SGCD: variants seen among roughly 807,000 people sequenced by gnomAD.
SGCD encodes delta-sarcoglycan.
Under a neutral mutation model 36.6 loss-of-function variants are expected in SGCD, and 18 were observed. The ratio of observed to expected loss-of-function variants is 0.49; its 90% CI spans 0.34 to 0.73. SGCD has a LOEUF of 0.73. Among genes scored for constraint, SGCD ranks in the 30% least tolerant of loss-of-function variants. SGCD has a pLI of 0.01. For synonymous variants in SGCD, 133 were observed against 130.6 expected, an observed-to-expected ratio of 1.02 and a Z score of -0.12; for missense variants, 387 against 346.7, an observed-to-expected ratio of 1.12 and a Z score of -0.92.
At chr5:156,435,761 A>G (rs1753214082) in intron 3 of SGCD, among the ~76,000 whole-genome samples, 1 of 152,144 alleles carries the variant, frequency 6.6e-6, no homozygotes, top group African/African-American at 2.4e-5. Flanking sequence ...TGATTTGTCC[A>G]TCTGTTTATT....
intron 3 of SGCD, among the ~76,000 whole-genome samples, chr5:156,278,338 G>T (rs1457593948): frequency 6.6e-6 from 1 of 152,104 alleles, no homozygotes; most frequent in South Asian, 2.1e-4. Context: ...TCAGAATTAG[G>T]TATTTTTCAA....
chr5:155,931,152 C>T lies in SGCD; in HGVS notation c.-282+60728C>T, dbSNP rs184303429. ...CAAGTCACAGAGAAGGTAAATTTACCAAACACTAAAGAAAAGAAAAGCTCT... is the reference window on the plus strand; with the variant it reads ...CAAGTCACAGAGAAGGTAAATTTACTAAACACTAAAGAAAAGAAAAGCTCT... On this transcript the variant is annotated intron_variant, in intron 1 of 9. Coordinates refer to the SGCD transcript ENST00000517913. 3.6e-3 allele frequency among the ~76,000 whole-genome samples: 548 copies of T among 151,924 alleles called. 2 individuals are homozygous for T. Among genetic ancestry groups the T allele is most frequent in the Non-Finnish European group, 5.0e-3 (340 of 67,966 alleles).
At chr5:156,536,318 G>A (rs1758109039) in intron 4 of SGCD, among the ~76,000 whole-genome samples, 1 of 152,088 alleles carries the variant, frequency 6.6e-6, no homozygotes, top group African/African-American at 2.4e-5. Flanking sequence ...GGAATTCAAA[G>A]CCAGGTGTGA....
Position 156,048,684 on chromosome 5 carries a change from C to G in SGCD, c.-281-69194C>G, listed in dbSNP as rs576736621. Among the ~76,000 whole-genome samples, 754 of 152,094 alleles carry G rather than the reference C, an allele frequency of 5.0e-3. 4 individuals are homozygous for G. The highest frequency in any genetic ancestry group is 0.017 in the Middle Eastern group (5 of 294). ...TTTTGATGGGGTTGTTTGTTTTTTT[C>G]TTGTAAATTTGTTGGAGTTCATTGT... On this transcript the variant is annotated intron_variant, in intron 1 of 9. Coordinates refer to the SGCD transcript ENST00000517913.
chr5:156,408,468 C>T (rs1425201927), intron 3 of SGCD, among the ~76,000 whole-genome samples: 1 of 151,854 alleles, frequency 6.6e-6, no homozygotes, highest in Non-Finnish European at 1.5e-5. Context: ...AAGCGATTCT[C>T]CTGCCTCAGC....
At chr5:156,277,539 G>A (rs1287250461) in intron 3 of SGCD, among the ~76,000 whole-genome samples, 1 of 152,166 alleles carries the variant, frequency 6.6e-6, no homozygotes, top group African/African-American at 2.4e-5. Flanking sequence ...AAACTTGGGT[G>A]AGTAAAAGAG....
At chr5:156,612,404 A>C (rs996271126) in intron 6 of SGCD, among the ~76,000 whole-genome samples, 2 of 152,170 alleles carry the variant, frequency 1.3e-5, no homozygotes, top group Non-Finnish European at 2.9e-5. Flanking sequence ...GGCAGTAGTG[A>C]AGTTTTGCCG....
chr5:156,242,945 G>A (rs895688332), intron 3 of SGCD, among the ~76,000 whole-genome samples: 1 of 152,184 alleles, frequency 6.6e-6, no homozygotes, highest in Non-Finnish European at 1.5e-5. Context: ...CTACAGAGAC[G>A]TGGCTGGGTA....
intron 1 of SGCD, among the ~76,000 whole-genome samples, chr5:155,986,546 CCCAGGCA>C (rs1758334660): frequency 6.6e-6 from 1 of 152,060 alleles, no homozygotes; most frequent in Non-Finnish European, 1.5e-5. Context: ...CCTGGAACAA[CCCAGGCA>C]CCATTTTGAG....
intron 3 of SGCD, among the ~76,000 whole-genome samples, chr5:156,260,427 T>C (rs750886596): frequency 6.6e-6 from 1 of 152,174 alleles, no homozygotes; most frequent in Non-Finnish European, 1.5e-5. Flanking sequence ...AGCAATATTT[T>C]ATAATTTTCA....
intron 3 of SGCD, among the ~76,000 whole-genome samples, chr5:156,294,853 T>A (rs985385058): frequency 1.3e-5 from 2 of 152,182 alleles, no homozygotes; most frequent in Non-Finnish European, 2.9e-5. Context: ...TAGTTTATAA[T>A]CTTTACAATA....
the SGCD span, among the ~76,000 whole-genome samples, chr5:155,807,066 G>A: frequency 9.2e-5 from 14 of 152,128 alleles, no homozygotes; most frequent in Non-Finnish European, 1.6e-4. Context: ...AAAATTGCTT[G>A]CCTTCTTGCT....
chr5:156,594,093 C>T (rs1165635007), intron 5 of SGCD, among the ~76,000 whole-genome samples: 1 of 152,188 alleles, frequency 6.6e-6, no homozygotes, highest in African/African-American at 2.4e-5. Context: ...GTAGATCCAG[C>T]TCAGATAGAT....
At chr5:155,852,181 C>T in the SGCD span, among the ~76,000 whole-genome samples, 2 of 152,196 alleles carry the variant, frequency 1.3e-5, no homozygotes, top group African/African-American at 4.8e-5. Flanking sequence ...AACAATGTCT[C>T]CTTCCACCTA....
At chr5:156,535,986 A>G (rs11955038) in intron 4 of SGCD, among the ~76,000 whole-genome samples, 4,327 of 152,272 alleles carry the variant, frequency 0.028, 219 homozygotes, top group African/African-American at 0.098. Context: ...TTAAAGAATA[A>G]GAAAGATGCG....
Position 156,759,479 on chromosome 5 carries a change from A to G in SGCD, c.*89A>G. The G allele has an allele frequency of 1.1e-6, 1 of 871,860 alleles. No individual in the cohort carries two copies. The highest frequency in any genetic ancestry group is 1.8e-6 in the Non-Finnish European group (1 of 561,682). The allele number at this position is 871,860 out of a possible 1,614,324, so 54.0% of individuals were successfully genotyped here. A position where few individuals can be genotyped will look rare whatever the true frequency, so the allele number is the denominator to read the frequency against. ...GCCAGCTATTTTTACTAGAACACAGAAAGCCTATCAAAGACCTTGTGTGTA... is the reference window on the plus strand; with the variant it reads ...GCCAGCTATTTTTACTAGAACACAGGAAGCCTATCAAAGACCTTGTGTGTA... On this transcript the variant is annotated 3_prime_UTR_variant, in exon 9 of 9. Transcript: ENST00000337851.
In SGCD at chr5:156,595,021, G is replaced by T; in HGVS notation, c.472G>T (p.Val158Leu). The change falls in exon 6 of 9, where the codon GTA becomes TTA. Residue 158 changes from valine to leucine, a missense_variant. By Grantham distance (32) the Val-to-Leu change is conservative (BLOSUM62 1). Transcript: ENST00000337851. ...LLFSADNNEV[V>L]VGAERLRVLG... is the part of the protein sequence containing the mutation. ...CTTCTCTGCAGACAATAATGAAGTG[G>T]TAGTAGGAGCTGAAAGATTACGAGT... is the stretch of plus-strand genomic sequence containing the variant. 1 of 1,611,946 alleles carries T rather than the reference G, an allele frequency of 6.2e-7. No homozygotes were observed. Among genetic ancestry groups the T allele is most frequent in the Non-Finnish European group, 8.5e-7 (1 of 1,178,482 alleles).
At chr5:156,305,390 A>G (rs2127686888) in intron 3 of SGCD, among the ~76,000 whole-genome samples, 1 of 152,340 alleles carries the variant, frequency 6.6e-6, no homozygotes, top group East Asian at 1.9e-4. Context: ...GCAAGTCTCA[A>G]GCCTTGGCAG....
intron 3 of SGCD, among the ~76,000 whole-genome samples, chr5:156,501,550 C>CAT (rs2127863490): frequency 6.6e-6 from 1 of 152,272 alleles, no homozygotes; most frequent in South Asian, 2.1e-4. Context: ...AAGCAAATGC[C>CAT]ATAGTCTTTG....
Sources: gnomAD v4.1 joint callset for allele counts (sites outside exome capture counted in the v4.1 genomes callset) on GRCh38, gnomAD v4.1.1 for gene constraint, MANE v1.5 for transcripts, NCBI Gene and HGNC (gene_info 2026-07-23, HGNC 2026-07-21) for gene names.